GALNTL6: variants seen among roughly 807,000 people sequenced by gnomAD.
The protein encoded by GALNTL6 is polypeptide N-acetylgalactosaminyltransferase like 6, also known as polypeptide N-acetylgalactosaminyltransferase-like 6.
A neutral mutation model predicts 73.7 loss-of-function variants in GALNTL6; 46 were observed. The observed-to-expected ratio is 0.62, with a 90% CI of 0.49 to 0.80. GALNTL6 has a LOEUF of 0.80. GALNTL6 is among the 30% of genes least tolerant of loss of function. The pLI is 0.00. For missense variants in GALNTL6, 604 were observed against 755.0 expected (o/e 0.80, Z 2.34); for synonymous variants, 259 against 263.7 (o/e 0.98, Z 0.17).
chr4:172,383,807 G>A (rs1351037792), intron 5 of GALNTL6, among the ~76,000 whole-genome samples: 1 of 151,928 alleles, frequency 6.6e-6, no homozygotes, highest in Non-Finnish European at 1.5e-5. Context: ...TATTTTTCTT[G>A]AAAGCTCTTA....
chr4:172,265,904 G>C (rs1738436355), intron 3 of GALNTL6, among the ~76,000 whole-genome samples: 1 of 151,956 alleles, frequency 6.6e-6, no homozygotes, highest in African/African-American at 2.4e-5. Context: ...AAAAAAGTTT[G>C]ATATATAAAG....
At chr4:172,363,151 A>G (rs1032334499) in intron 5 of GALNTL6, among the ~76,000 whole-genome samples, 1 of 152,140 alleles carries the variant, frequency 6.6e-6, no homozygotes, top group Non-Finnish European at 1.5e-5. Flanking sequence ...TTTTGTCATG[A>G]TAAAACCAAG....
At chr4:172,548,865 TAATC>T (rs1460270823) in intron 5 of GALNTL6, among the ~76,000 whole-genome samples, 1 of 152,170 alleles carries the variant, frequency 6.6e-6, no homozygotes, top group Non-Finnish European at 1.5e-5. Flanking sequence ...ATGTAAATAA[TAATC>T]AGGATTTTTT....
At chr4:172,314,694 G>A (rs956883807) in intron 4 of GALNTL6, among the ~76,000 whole-genome samples, 52 of 126,994 alleles carry the variant, frequency 4.1e-4, no homozygotes, top group Admixed American at 1.1e-3. Flanking sequence ...TGCAACCTCC[G>A]CCTCCTGGGT....
At chr4:171,905,468 T>A (rs1254463750) in intron 2 of GALNTL6, among the ~76,000 whole-genome samples, 2 of 151,254 alleles carry the variant, frequency 1.3e-5, no homozygotes, top group Non-Finnish European at 3.0e-5. Context: ...ATGCACCCAA[T>A]ACAGGAGCAC....
chr4:171,883,643 C>G (rs1156392467), intron 2 of GALNTL6, among the ~76,000 whole-genome samples: 1 of 149,616 alleles, frequency 6.7e-6, no homozygotes, highest in Non-Finnish European at 1.5e-5. Flanking sequence ...TATATATGTG[C>G]TTTTCTTTTC....
chr4:172,716,872 G>A (rs1735136894), intron 5 of GALNTL6, among the ~76,000 whole-genome samples: 2 of 149,480 alleles, frequency 1.3e-5, no homozygotes, highest in African/African-American at 5.1e-5. Context: ...ACCCATAATT[G>A]TTCTACAAAT....
intron 2 of GALNTL6, among the ~76,000 whole-genome samples, chr4:171,919,010 T>C (rs1042737128): frequency 2.6e-5 from 4 of 152,094 alleles, no homozygotes; most frequent in African/African-American, 9.7e-5. Flanking sequence ...GTTACTGTAC[T>C]AATCAAAGGC....
At chr4:173,019,507 T>C (rs1451973885) in intron 11 of GALNTL6, among the ~76,000 whole-genome samples, 1 of 152,194 alleles carries the variant, frequency 6.6e-6, no homozygotes, top group Non-Finnish European at 1.5e-5. Flanking sequence ...GAGTTCTGAA[T>C]AGAAGAGAGT....
chr4:172,073,995 A>T (rs1731630519), intron 2 of GALNTL6, among the ~76,000 whole-genome samples: 2 of 152,178 alleles, frequency 1.3e-5, no homozygotes, highest in Admixed American at 1.3e-4. Flanking sequence ...AGTAAGTTAG[A>T]TCCTTAACTT....
At chr4:172,910,787 C>T (rs1406768848) in intron 8 of GALNTL6, among the ~76,000 whole-genome samples, 1 of 152,216 alleles carries the variant, frequency 6.6e-6, no homozygotes, top group Non-Finnish European at 1.5e-5. Flanking sequence ...CATGGCATCC[C>T]TTCCACAGGT....
At chr4:172,028,370 A>T (rs942085125) in intron 2 of GALNTL6, among the ~76,000 whole-genome samples, 4 of 152,084 alleles carry the variant, frequency 2.6e-5, no homozygotes, top group Non-Finnish European at 4.4e-5. Flanking sequence ...TGAATTTTAT[A>T]AGAAGTTACC....
In GALNTL6 at chr4:172,042,577, G is replaced by A. The variant is rs559209577; in HGVS notation, c.139-187079G>A. Among the ~76,000 whole-genome samples the A allele has an allele frequency of 1.6e-4, 24 of 151,764 alleles. No homozygotes were observed. In the South Asian group the frequency reaches 2.3e-3, roughly 15 times the overall value. ...TCCCTATTTTGGCATATGGCACCCC[G>A]TCTATTTAGTTTCACAAGCGAAATC... On this transcript the variant is annotated intron_variant, in intron 2 of 12. Coordinates refer to ENST00000506823, the MANE Select transcript of GALNTL6 (RefSeq NM_001034845.3).
At chr4:172,312,609 A>G (rs1295499776) in intron 4 of GALNTL6, among the ~76,000 whole-genome samples, 1 of 152,184 alleles carries the variant, frequency 6.6e-6, no homozygotes, top group Non-Finnish European at 1.5e-5. Flanking sequence ...GAGAGAGAAA[A>G]TCAAGGAAAA....
intron 5 of GALNTL6, among the ~76,000 whole-genome samples, chr4:172,517,568 G>T (rs2110807809): frequency 6.6e-6 from 1 of 152,174 alleles, no homozygotes; most frequent in Admixed American, 6.5e-5. Context: ...GTCAGTAAGT[G>T]CTTTTACCAC....
intron 5 of GALNTL6, among the ~76,000 whole-genome samples, chr4:172,628,607 A>C (rs1390884797): frequency 1.3e-5 from 2 of 151,900 alleles, no homozygotes; most frequent in East Asian, 3.9e-4. Flanking sequence ...ACCAAACTTC[A>C]GCTTCTTTGT....
At chr4:172,594,212 G>C (rs183062721) in intron 5 of GALNTL6, among the ~76,000 whole-genome samples, 2 of 152,032 alleles carry the variant, frequency 1.3e-5, no homozygotes, top group African/African-American at 4.8e-5. Context: ...CAGGCCTAGT[G>C]GTGGGCGCCT....
At chr4:172,921,357 C>G (rs1747780552) in intron 8 of GALNTL6, among the ~76,000 whole-genome samples, 1 of 152,188 alleles carries the variant, frequency 6.6e-6, no homozygotes, top group Non-Finnish European at 1.5e-5. Context: ...TTTCATAGTT[C>G]ATGTGACCAG....
chr4:172,898,294 A>G (rs1746437841), intron 8 of GALNTL6, among the ~76,000 whole-genome samples: 1 of 1,088 alleles, frequency 9.2e-4, no homozygotes, highest in Non-Finnish European at 3.2e-3. Flanking sequence ...ACTTTATTAC[A>G]CACACACACA....
Sources: gnomAD v4.1 joint callset for allele counts (sites outside exome capture counted in the v4.1 genomes callset) on GRCh38, gnomAD v4.1.1 for gene constraint, MANE v1.5 for transcripts, NCBI Gene and HGNC (gene_info 2026-07-23, HGNC 2026-07-21) for gene names.